The following WDR27 variants were observed in gnomAD, a reference collection of about 807,000 sequenced individuals.
WDR27 encodes the protein WD repeat domain 27.
WDR27 carries 100 observed loss-of-function variants against 114.4 expected under a neutral mutation model. The ratio of observed to expected loss-of-function variants is 0.87; its 90% CI spans 0.74 to 1.03. The LOEUF is 1.03. Ranked by LOEUF, WDR27 falls within the 50% of genes least tolerant of loss-of-function variation. The probability of loss-of-function intolerance (pLI) is 0.00; values close to 1 mark genes in which losing one functional copy is unlikely to be tolerated. For synonymous variants in WDR27, 449 were observed against 423.1 expected, an observed-to-expected ratio of 1.06 and a Z score of -0.75; for missense variants, 1,129 against 1,092.9, an observed-to-expected ratio of 1.03 and a Z score of -0.47.
At chr6:169,621,109 A>G (rs1300359213) in intron 21 of WDR27, among the ~76,000 whole-genome samples, 3 of 151,878 alleles carry the variant, frequency 2.0e-5, no homozygotes, top group African/African-American at 4.8e-5. Context: ...TTTTAAATGA[A>G]TTAATTAATA....
intron 3 of WDR27, 78 bp from the exon 4 acceptor site, chr6:169,670,771 T>C (rs1381916932): frequency 1.3e-6 from 2 of 1,536,912 alleles, no homozygotes; most frequent in South Asian, 1.2e-5. Flanking sequence ...GTACTGAGAA[T>C]GTAACCCTCT....
At chr6:169,683,835 G>A (rs1326630162) in intron 2 of WDR27, among the ~76,000 whole-genome samples, 1 of 152,174 alleles carries the variant, frequency 6.6e-6, no homozygotes, top group African/African-American at 2.4e-5. Context: ...CAAGCCCTGA[G>A]CCTAGTTTGG....
At chr6:169,643,824 G>C (rs772889043) in intron 16 of WDR27, 38 bp from the exon 17 acceptor site, 1 of 1,551,344 alleles carries the variant, frequency 6.4e-7, no homozygotes, top group South Asian at 1.2e-5. Context: ...TCTTAGAAAA[G>C]CCTAATTCAT....
intron 1 of WDR27, among the ~76,000 whole-genome samples, chr6:169,699,821 T>TA (rs1212542345): frequency 2.7e-4 from 40 of 146,860 alleles, no homozygotes; most frequent in Non-Finnish European, 4.2e-4. Context: ...GTCTCTACTT[T>TA]AAAAAAAAAA....
chr6:169,433,064 CTA>C, the WDR27 span, among the ~76,000 whole-genome samples: 1 of 152,090 alleles, frequency 6.6e-6, no homozygotes, highest in Non-Finnish European at 1.5e-5. Flanking sequence ...GTGACTGTTG[CTA>C]TGTTTTTTGT....
At chr6:169,689,862 A>G (rs1310371245) in intron 1 of WDR27, among the ~76,000 whole-genome samples, 1 of 152,224 alleles carries the variant, frequency 6.6e-6, no homozygotes, top group Non-Finnish European at 1.5e-5. Context: ...AGGCCCACCC[A>G]TGAGGCCCTC....
chr6:169,632,207 AAAG>A (rs1315729503), intron 21 of WDR27, among the ~76,000 whole-genome samples: 95 of 152,006 alleles, frequency 6.2e-4, no homozygotes, highest in African/African-American at 2.2e-3. Flanking sequence ...AAAAAAAAAA[AAAG>A]AAGACGCAAA....
At chr6:169,585,992 A>G (rs1804476852) in intron 23 of WDR27, among the ~76,000 whole-genome samples, 1 of 152,216 alleles carries the variant, frequency 6.6e-6, no homozygotes, top group South Asian at 2.1e-4. Context: ...TGCCTATATC[A>G]TAGAAGGATC....
intron 25 of WDR27, chr6:169,559,328 C>A (rs1196419630): frequency 6.6e-6 from 1 of 152,194 alleles, no homozygotes; most frequent in Non-Finnish European, 1.5e-5. Flanking sequence ...TTGCTAGAAT[C>A]TGCAGAACAT....
At chr6:169,553,072 G>A (rs1301370553) in intron 25 of WDR27, among the ~76,000 whole-genome samples, 4 of 148,330 alleles carry the variant, frequency 2.7e-5, no homozygotes, top group African/African-American at 7.4e-5. Context: ...GTGTGTGTGT[G>A]TGTGTGTGTG....
intron 14 of WDR27, among the ~76,000 whole-genome samples, chr6:169,649,688 T>A (rs1297286302): frequency 6.6e-6 from 1 of 151,910 alleles, no homozygotes; most frequent in African/African-American, 2.4e-5. Context: ...GCAGATGCCA[T>A]TGGAGCAGAA....
chr6:169,639,654 C>T (rs1290470919), intron 17 of WDR27, among the ~76,000 whole-genome samples: 2 of 152,178 alleles, frequency 1.3e-5, no homozygotes, highest in African/African-American at 4.8e-5. Context: ...CTAAGGTAGG[C>T]GATGAGGCAC....
rs190456706 is a variant in WDR27 at position 169,514,298 on chromosome 6, A to G, written c.2646-56664T>C. Among the ~76,000 whole-genome samples, 33 of 151,406 alleles carry G rather than the reference A, an allele frequency of 2.2e-4. No individual in the cohort carries two copies. The East Asian group carries it at 6.4e-3, about 29-fold the overall frequency. On this transcript the variant is annotated intron_variant, in intron 25 of 25. Transcript: ENST00000448612. ...ATTATTATAAATTATTTCCTTTCAA[A>G]TAGAAAAGAGAAGTCAAACTGACAA...
intron 25 of WDR27, among the ~76,000 whole-genome samples, chr6:169,516,744 G>A (rs530981584): frequency 6.7e-6 from 1 of 148,184 alleles, no homozygotes; most frequent in South Asian, 2.1e-4. Context: ...TGATGGGTAA[G>A]ACAGAACTGC....
the WDR27 span, among the ~76,000 whole-genome samples, chr6:169,432,496 C>T: frequency 5.3e-4 from 80 of 152,252 alleles, no homozygotes; most frequent in African/African-American, 1.9e-3. Context: ...GGGCAGTTTT[C>T]TCCATACTGT....
At chr6:169,457,767 C>T in intron 25 of WDR27, 133 bp from the exon 26 acceptor site, 3 of 626,912 alleles carry the variant, frequency 4.8e-6, no homozygotes, top group Non-Finnish European at 8.4e-6. Flanking sequence ...AATACATTAA[C>T]ATAGTAGAAT....
chr6:169,498,161 C>A (rs1041697214), intron 25 of WDR27, among the ~76,000 whole-genome samples: 1 of 151,946 alleles, frequency 6.6e-6, no homozygotes, highest in Non-Finnish European at 1.5e-5. Flanking sequence ...TACAACAGGG[C>A]AAATGCTATA....
At chr6:169,605,897 T>C (rs1385488814) in intron 22 of WDR27, among the ~76,000 whole-genome samples, 1 of 152,162 alleles carries the variant, frequency 6.6e-6, no homozygotes, top group African/African-American at 2.4e-5. Context: ...AAAAATTGGA[T>C]AGCTATAGGC....
intron 25 of WDR27, among the ~76,000 whole-genome samples, chr6:169,499,122 G>C (rs1464079656): frequency 6.6e-6 from 1 of 152,242 alleles, no homozygotes; most frequent in Non-Finnish European, 1.5e-5. Flanking sequence ...AACAGACGCT[G>C]TATTTACAGC....
Sources: allele counts gnomAD v4.1 joint callset (sites outside exome capture counted in the v4.1 genomes callset), GRCh38; gene constraint gnomAD v4.1.1; transcripts MANE v1.5; gene names NCBI Gene and HGNC (gene_info 2026-07-23, HGNC 2026-07-21).